DLGAP1: variants seen among roughly 807,000 people sequenced by gnomAD.
DLGAP1 encodes the protein DLG associated protein 1, also known as disks large-associated protein 1.
In DLGAP1, 11 loss-of-function variants were observed where a neutral mutation model predicts 90.8. The ratio of observed to expected loss-of-function variants is 0.12; its 90% confidence interval spans 0.08 to 0.20. The LOEUF is 0.20. DLGAP1 is among the 10% of genes least tolerant of loss of function. DLGAP1 has a pLI of 1.00. For missense variants in DLGAP1, 1,050 were observed against 1,333.8 expected (o/e 0.79, Z 3.31); for synonymous variants, 558 against 540.7 (o/e 1.03, Z -0.44).
chr18:3,514,642 A>G (rs1467458026), intron 10 of DLGAP1, among the ~76,000 whole-genome samples: 5 of 152,246 alleles, frequency 3.3e-5, no homozygotes, highest in African/African-American at 1.2e-4. Context: ...AGTGAGTCAC[A>G]TGAATTTTTT....
rs555472617 is a variant in DLGAP1 at position 3,813,827 on chromosome 18, C to T, written c.1172+232G>A. Among the ~76,000 whole-genome samples the T allele has an allele frequency of 2.6e-5, 4 of 152,082 alleles. No individual in the cohort carries two copies. The East Asian group carries it at 7.7e-4, about 29-fold the overall frequency. ...GGCTTCTGAAAAGATGGGATTTCTTCTGCTTCTTAGAGATGAGGGGTTCAG... is the reference window on the plus strand; with the variant it reads ...GGCTTCTGAAAAGATGGGATTTCTTTTGCTTCTTAGAGATGAGGGGTTCAG... On this transcript the variant is annotated intron_variant, in intron 5 of 12. Coordinates refer to ENST00000315677, the MANE Select transcript of DLGAP1 (RefSeq NM_004746.4).
chr18:3,792,307 C>G (rs1006287369), intron 5 of DLGAP1, among the ~76,000 whole-genome samples: 4 of 152,042 alleles, frequency 2.6e-5, no homozygotes, highest in African/African-American at 2.4e-5. Context: ...ATGGTGAAAC[C>G]CTGTCTCTAC....
chr18:3,850,596 A>G (rs1046938814), intron 4 of DLGAP1, among the ~76,000 whole-genome samples: 13 of 152,196 alleles, frequency 8.5e-5, no homozygotes, highest in African/African-American at 2.9e-4. Context: ...ATTCTTAAAG[A>G]TTGTTAAAAG....
intron 1 of DLGAP1, among the ~76,000 whole-genome samples, chr18:4,200,547 A>G (rs1055226649): frequency 6.6e-6 from 1 of 151,650 alleles, no homozygotes; most frequent in African/African-American, 2.4e-5. Context: ...TGCTGTTCCT[A>G]ATATTTATAC....
intron 1 of DLGAP1, among the ~76,000 whole-genome samples, chr18:4,265,173 CTCTT>C (rs151289463): frequency 0.08 from 11,343 of 142,194 alleles, 1,481 homozygotes; most frequent in African/African-American, 0.28. Flanking sequence ...CCTTCTTTCT[CTCTT>C]TCTTTCTTTT....
chr18:3,688,059 AC>A (rs2060762965), intron 7 of DLGAP1, among the ~76,000 whole-genome samples: 1 of 151,990 alleles, frequency 6.6e-6, no homozygotes. Flanking sequence ...GGCATGCACC[AC>A]CACGCCCAGC....
intron 2 of DLGAP1, among the ~76,000 whole-genome samples, chr18:4,082,131 A>G (rs2075616951): frequency 6.6e-6 from 1 of 152,050 alleles, no homozygotes; most frequent in African/African-American, 2.4e-5. Context: ...GCCTGAGCTC[A>G]GGAGTTCAAG....
intron 4 of DLGAP1, among the ~76,000 whole-genome samples, chr18:3,842,294 AG>A (rs1422938252): frequency 6.6e-6 from 1 of 152,160 alleles, no homozygotes; most frequent in African/African-American, 2.4e-5. Flanking sequence ...TGAAGGAAAA[AG>A]GTCCCCAGCT....
At chr18:4,065,826 T>A (rs2075362928) in intron 2 of DLGAP1, among the ~76,000 whole-genome samples, 1 of 149,008 alleles carries the variant, frequency 6.7e-6, no homozygotes, top group South Asian at 2.2e-4. Context: ...AAAAATTAAA[T>A]TCACATGGAA....
intron 3 of DLGAP1, among the ~76,000 whole-genome samples, chr18:3,903,903 T>C (rs2148884565): frequency 6.6e-6 from 1 of 152,352 alleles, no homozygotes; most frequent in East Asian, 1.9e-4. Flanking sequence ...TCTAGAACTA[T>C]TCTGCAAAAA....
At chr18:4,135,293 G>C (rs1469891250) in intron 2 of DLGAP1, among the ~76,000 whole-genome samples, 1 of 152,008 alleles carries the variant, frequency 6.6e-6, no homozygotes, top group Non-Finnish European at 1.5e-5. Context: ...GAAAGGGGGT[G>C]TTTTTGTGTT....
chr18:3,977,930 A>G, intron 3 of DLGAP1: 1 of 351,284 alleles, frequency 2.8e-6, no homozygotes, highest in South Asian at 2.2e-5. Context: ...GGTGGTGGAG[A>G]CAAGGAAGGC....
intron 1 of DLGAP1, among the ~76,000 whole-genome samples, chr18:4,367,443 A>C (rs190306640): frequency 3.9e-5 from 6 of 152,082 alleles, no homozygotes; most frequent in Non-Finnish European, 7.4e-5. Context: ...AAATTGCAAA[A>C]CTTCCTAGCT....
rs150340883 is a variant in DLGAP1, at chr18:3,710,633, C to T, written c.1591+18502G>A. Among the ~76,000 whole-genome samples the T allele has an allele frequency of 3.9e-5, 6 of 152,280 alleles. No individual in the cohort carries two copies. In the East Asian group the frequency reaches 1.2e-3, roughly 29 times the overall value. Reference sequence around the variant, plus strand: ...TAAGAGCTGGAGGCATAGTAGTGAACAAGACAGAAAAATTTTTTGGCTGGA... The same window carrying T: ...TAAGAGCTGGAGGCATAGTAGTGAATAAGACAGAAAAATTTTTTGGCTGGA... On this transcript the variant is annotated intron_variant, in intron 7 of 12. Transcript: ENST00000315677.
intron 9 of DLGAP1, among the ~76,000 whole-genome samples, chr18:3,535,967 G>A (rs1036784776): frequency 6.6e-6 from 1 of 151,978 alleles, no homozygotes; most frequent in African/African-American, 2.4e-5. Context: ...TCCAGGAAAC[G>A]GAGGTTGTGG....
At chr18:3,699,455 G>GT (rs1214273090) in intron 7 of DLGAP1, among the ~76,000 whole-genome samples, 6 of 152,158 alleles carry the variant, frequency 3.9e-5, no homozygotes, top group African/African-American at 1.4e-4. Context: ...TGTTGCCTGG[G>GT]TATCACCAGC....
At chr18:3,539,180 T>A (rs1005876349) in intron 9 of DLGAP1, among the ~76,000 whole-genome samples, 1 of 152,174 alleles carries the variant, frequency 6.6e-6, no homozygotes, top group Non-Finnish European at 1.5e-5. Flanking sequence ...GGGTGAAGAG[T>A]GCAGTCAAGT....
chr18:4,265,638 C>CTT lies in DLGAP1; in HGVS notation c.-266-114352_-266-114351insAA, dbSNP rs1358534917. ...TTCCCTCCCTCCCCTTCCCTCCCTC[C>CTT]CCTTCCCTCCCTCCCTCCCTCCCTC... On this transcript the variant is annotated intron_variant, in intron 1 of 12. Coordinates refer to ENST00000315677, the MANE Select transcript of DLGAP1 (RefSeq NM_004746.4). Among the ~76,000 whole-genome samples the CTT allele has an allele frequency of 2.6e-4, 11 of 41,912 alleles. 1 individual carries two copies. Among genetic ancestry groups the CTT allele is most frequent in the African/African-American group, 2.1e-3 (8 of 3,862 alleles). The allele number at this position is 41,912 out of a possible 152,430, so 27.5% of individuals were successfully genotyped here.
At chr18:4,311,402 G>A (rs1387000560) in intron 1 of DLGAP1, among the ~76,000 whole-genome samples, 1 of 152,140 alleles carries the variant, frequency 6.6e-6, no homozygotes, top group Non-Finnish European at 1.5e-5. Flanking sequence ...TAAGCTCAAA[G>A]GCCAGGGATG....
Sources: allele counts gnomAD v4.1 joint callset (sites outside exome capture counted in the v4.1 genomes callset), GRCh38; gene constraint gnomAD v4.1.1; transcripts MANE v1.5; gene names NCBI Gene and HGNC (gene_info 2026-07-23, HGNC 2026-07-21).